The following IL1RL2 variants were observed in gnomAD, a reference collection of about 807,000 sequenced individuals.
The protein encoded by IL1RL2 is interleukin 1 receptor like 2.
IL1RL2 carries 68 observed loss-of-function variants against 66.8 expected under a neutral mutation model. The observed-to-expected ratio is 1.02, with a 90% confidence interval of 0.84 to 1.25. IL1RL2 has a LOEUF of 1.25. Ranked by LOEUF, IL1RL2 falls within the 50% of genes most tolerant of loss-of-function variation. The probability of loss-of-function intolerance (pLI) is 0.00; values close to 1 mark genes in which losing one functional copy is unlikely to be tolerated. For synonymous variants in IL1RL2, 305 were observed against 264.6 expected, an observed-to-expected ratio of 1.15 and a Z score of -1.48; for missense variants, 729 against 709.3, an observed-to-expected ratio of 1.03 and a Z score of -0.32.
chr2:102,239,343 C>T lies in IL1RL2; in HGVS notation c.*102C>T. On this transcript the variant is annotated 3_prime_UTR_variant, in exon 12 of 12. Coordinates refer to ENST00000264257, the MANE Select transcript of IL1RL2 (RefSeq NM_003854.4). ...TGCTGCAGGATGAGGCTAGGGTTAG[C>T]ATTCTAGACACCCAGTTGAGCTCAG... 1.9e-6 allele frequency: 2 copies of T among 1,078,236 alleles called. No individual in the cohort carries two copies. Among genetic ancestry groups the T allele is most frequent in the Middle Eastern group, 4.1e-4 (2 of 4,936 alleles). The allele number at this position is 1,078,236 out of a possible 1,614,324, so 66.8% of individuals were successfully genotyped here. A position where few individuals can be genotyped will look rare whatever the true frequency, so the allele number is the denominator to read the frequency against.
intron 8 of IL1RL2, among the ~76,000 whole-genome samples, chr2:102,223,430 G>A (rs1690320711): frequency 6.6e-6 from 1 of 152,204 alleles, no homozygotes. Context: ...CTCAGTTGAA[G>A]GCTGGTAGTA....
chr2:102,224,378 T>C (rs1223645783), intron 8 of IL1RL2, among the ~76,000 whole-genome samples: 4 of 152,196 alleles, frequency 2.6e-5, no homozygotes, highest in Non-Finnish European at 2.9e-5. Context: ...AATGGAATAT[T>C]ATTCATCCAT....
chr2:102,238,199 G>A (rs1226525896), intron 11 of IL1RL2, among the ~76,000 whole-genome samples: 3 of 152,062 alleles, frequency 2.0e-5, no homozygotes, highest in Non-Finnish European at 4.4e-5. Flanking sequence ...TGAAATACAG[G>A]TGCTGAGTCG....
chr2:102,202,143 T>C (rs562899920), intron 5 of IL1RL2, among the ~76,000 whole-genome samples: 1 of 152,216 alleles, frequency 6.6e-6, no homozygotes, highest in Admixed American at 6.5e-5. Context: ...CTCAGAGTTC[T>C]GGATATGGTC....
At chr2:102,226,650 G>C (rs920910094) in intron 9 of IL1RL2, among the ~76,000 whole-genome samples, 1 of 151,966 alleles carries the variant, frequency 6.6e-6, no homozygotes, top group Non-Finnish European at 1.5e-5. Flanking sequence ...AGACAGGGAG[G>C]GAGGAAAGAA....
intron 4 of IL1RL2, among the ~76,000 whole-genome samples, chr2:102,197,610 C>T (rs895691509): frequency 2.0e-5 from 3 of 152,192 alleles, no homozygotes; most frequent in African/African-American, 7.2e-5. Flanking sequence ...TGCTAAGGCT[C>T]TGGATGGAAT....
chr2:102,206,146 TC>T (rs1404574447), intron 5 of IL1RL2, among the ~76,000 whole-genome samples: 97 of 152,156 alleles, frequency 6.4e-4, no homozygotes, highest in Non-Finnish European at 9.4e-4. Context: ...GAATTCCTTT[TC>T]TATGTTATCT....
Position 102,219,085 on chromosome 2 carries a change from A to T in IL1RL2, c.854+3A>T. 6.2e-7 allele frequency: 1 copy of T among 1,613,760 alleles called. No individual in the cohort carries two copies. Among genetic ancestry groups the T allele is most frequent in the Non-Finnish European group, 8.5e-7 (1 of 1,179,722 alleles). ...AAACGAATCAGAGAAGGGGTGGAGT[A>T]GGTGTTTTGCTTTTTTGACTTCTCT... On this transcript the variant is annotated splice_donor_region_variant and intron_variant, in intron 7 of 11. Transcript: ENST00000264257.
At chr2:102,221,090 CCTT>C (rs1690086596) in intron 8 of IL1RL2, among the ~76,000 whole-genome samples, 1 of 152,214 alleles carries the variant, frequency 6.6e-6, no homozygotes, top group African/African-American at 2.4e-5. Flanking sequence ...CATGGGGAAT[CCTT>C]CTTGGGTTGC....
intron 5 of IL1RL2, among the ~76,000 whole-genome samples, chr2:102,209,441 A>G (rs1305588968): frequency 6.6e-6 from 1 of 152,206 alleles, no homozygotes. Flanking sequence ...TAGGATTCAC[A>G]AAAGTAAAGG....
chr2:102,218,962 T>C lies in IL1RL2; in HGVS notation c.734T>C (p.Leu245Pro). ...HSIEVQLGTT[L>P]IVDCNVTDTK... Reference sequence around the variant, plus strand: ...TATTGGTTTTTTTTAGGTACCACTCTGATTGTGGACTGCAATGTAACAGAC... The same window carrying C: ...TATTGGTTTTTTTTAGGTACCACTCCGATTGTGGACTGCAATGTAACAGAC... The change falls in exon 7 of 12, where the codon CTG (leucine) becomes CCG (proline). Residue 245 changes from leucine to proline, a missense_variant. Transcript: ENST00000264257. 6.2e-7 allele frequency: 1 copy of C among 1,612,592 alleles called. No homozygotes were observed. The highest frequency in any genetic ancestry group is 2.2e-5 in the East Asian group (1 of 44,852).
rs1307831611 is a variant in IL1RL2, at chr2:102,189,151, C to A, written c.134C>A (p.Pro45His). Residue 45 changes from proline to histidine, a missense_variant, in exon 3 of 12, where the codon CCT becomes CAT. Transcript: ENST00000264257. ...SQPFAFNCTFPPITSGEVSVT... is the reference protein window; with the variant it reads ...SQPFAFNCTFHPITSGEVSVT... ...CCTTTTGCTTTTAATTGTACATTCC[C>A]TCCCATAACATCTGGGGAAGTCAGT... 1.2e-6 allele frequency: 2 copies of A among 1,614,100 alleles called. No homozygotes were observed. Among genetic ancestry groups the A allele is most frequent in the South Asian group, 2.2e-5 (2 of 91,074 alleles).
chr2:102,226,889 C>T (rs34365371), intron 9 of IL1RL2, among the ~76,000 whole-genome samples: 1 of 152,182 alleles, frequency 6.6e-6, no homozygotes, highest in Non-Finnish European at 1.5e-5. Flanking sequence ...AAGCATTCAG[C>T]GGGGCCTGGG....
intron 8 of IL1RL2, among the ~76,000 whole-genome samples, chr2:102,221,101 T>A (rs1226384614): frequency 6.6e-6 from 1 of 152,200 alleles, no homozygotes; most frequent in African/African-American, 2.4e-5. Flanking sequence ...CTTCTTGGGT[T>A]GCAACATGTG....
intron 4 of IL1RL2, among the ~76,000 whole-genome samples, chr2:102,197,084 C>T (rs189403789): frequency 6.6e-6 from 1 of 152,114 alleles, no homozygotes; most frequent in Non-Finnish European, 1.5e-5. Flanking sequence ...GAACTCATGT[C>T]TGAGGGCCCC....
chr2:102,198,991 A>AT (rs1688013494), intron 4 of IL1RL2, among the ~76,000 whole-genome samples: 1 of 152,140 alleles, frequency 6.6e-6, no homozygotes, highest in Admixed American at 6.5e-5. Flanking sequence ...AAATAGGATC[A>AT]TTTTCTTCAT....
At chr2:102,202,076 G>A (rs560596780) in intron 5 of IL1RL2, among the ~76,000 whole-genome samples, 11 of 152,186 alleles carry the variant, frequency 7.2e-5, no homozygotes, top group South Asian at 4.2e-4. Flanking sequence ...CTTCATTGTC[G>A]TGAATATTCC....
In IL1RL2 at chr2:102,239,395, G is replaced by T; in HGVS notation, c.*154G>T. Reference sequence around the variant, plus strand: ...CGTAGAGAAGAGGAGGATGGGATAAGAACTGGGGCCATCCCCATGTCATGG... The same window carrying T: ...CGTAGAGAAGAGGAGGATGGGATAATAACTGGGGCCATCCCCATGTCATGG... On this transcript the variant is annotated 3_prime_UTR_variant, in exon 12 of 12. Coordinates refer to ENST00000264257, the MANE Select transcript of IL1RL2 (RefSeq NM_003854.4). The T allele has an allele frequency of 1.5e-6, 1 of 675,704 alleles. No homozygotes were observed. The allele number at this position is 675,704 out of a possible 1,614,324, so 41.9% of individuals were successfully genotyped here.
At chr2:102,203,915 T>G (rs2104769244) in intron 5 of IL1RL2, among the ~76,000 whole-genome samples, 1 of 152,234 alleles carries the variant, frequency 6.6e-6, no homozygotes, top group East Asian at 1.9e-4. Flanking sequence ...CATTTATTTC[T>G]TCTACTAATT....
Sources: gnomAD v4.1 joint callset for allele counts (sites outside exome capture counted in the v4.1 genomes callset) on GRCh38, gnomAD v4.1.1 for gene constraint, MANE v1.5 for transcripts, NCBI Gene and HGNC (gene_info 2026-07-23, HGNC 2026-07-21) for gene names.